The following SPRED2 variants were observed in gnomAD, a reference collection of about 807,000 sequenced individuals.
SPRED2 encodes the protein sprouty related EVH1 domain containing 2, also known as sprouty-related, EVH1 domain-containing protein 2.
A neutral mutation model predicts 43.0 loss-of-function variants in SPRED2; 47 were observed. That is an observed-to-expected ratio of 1.09 (90% confidence interval 0.87 to 1.40). The LOEUF is 1.40. SPRED2 is among the 40% of genes most tolerant of loss of function. The probability of loss-of-function intolerance (pLI) is 0.00; values close to 1 mark genes in which losing one functional copy is unlikely to be tolerated. For missense variants in SPRED2, 561 were observed against 586.4 expected (o/e 0.96, Z 0.45); for synonymous variants, 225 against 225.7 (o/e 1.00, Z 0.03).
chr2:65,370,710 T>C (rs538758839), intron 1 of SPRED2, among the ~76,000 whole-genome samples: 1 of 152,326 alleles, frequency 6.6e-6, no homozygotes, highest in African/African-American at 2.4e-5. Context: ...GCAAAACACA[T>C]ACACAGCTTT....
At chr2:65,430,723 T>A (rs1572911899) in intron 1 of SPRED2, among the ~76,000 whole-genome samples, 1 of 152,148 alleles carries the variant, frequency 6.6e-6, no homozygotes, top group South Asian at 2.1e-4. Flanking sequence ...GCCAACCAGC[T>A]CTTTGCGCCC....
chr2:65,338,851 A>C (rs1390038438), intron 2 of SPRED2, among the ~76,000 whole-genome samples: 18 of 150,490 alleles, frequency 1.2e-4, no homozygotes, highest in African/African-American at 4.0e-4. Context: ...CTGGGAAGTG[A>C]GGAGCGCCTC....
At chr2:65,422,362 G>C (rs1397119757) in intron 1 of SPRED2, among the ~76,000 whole-genome samples, 1 of 152,172 alleles carries the variant, frequency 6.6e-6, no homozygotes, top group African/African-American at 2.4e-5. Flanking sequence ...TAATCAGTTA[G>C]TCAGTCATCA....
intron 1 of SPRED2, among the ~76,000 whole-genome samples, chr2:65,350,483 T>C (rs1293213535): frequency 6.6e-6 from 1 of 152,200 alleles, no homozygotes; most frequent in Non-Finnish European, 1.5e-5. Context: ...ACAAATGGTG[T>C]TGGACGACCA....
rs997589175 is a variant in SPRED2 at position 65,375,801 on chromosome 2, G to A, written c.27-30905C>T. ...TCAAGTCTCCCCAAAGATCTTCTCTGCCTCTTTCTCCACTCAAGATGGAGA... is the reference window on the plus strand; with the variant it reads ...TCAAGTCTCCCCAAAGATCTTCTCTACCTCTTTCTCCACTCAAGATGGAGA... On this transcript the variant is annotated intron_variant, in intron 1 of 5. Transcript: ENST00000356388. 6.6e-5 allele frequency among the ~76,000 whole-genome samples: 10 copies of A among 152,226 alleles called. No homozygotes were observed. The East Asian group carries it at 1.9e-3, about 29-fold the overall frequency.
intron 4 of SPRED2, among the ~76,000 whole-genome samples, chr2:65,317,294 C>T (rs973457766): frequency 2.6e-5 from 4 of 152,172 alleles, no homozygotes; most frequent in Non-Finnish European, 5.9e-5. Context: ...GGGCGGATCA[C>T]CTGAGGTAAG....
At chr2:65,411,868 C>G (rs945368586) in intron 1 of SPRED2, among the ~76,000 whole-genome samples, 2 of 152,122 alleles carry the variant, frequency 1.3e-5, no homozygotes, top group Non-Finnish European at 1.5e-5. Context: ...GTGGCTCACG[C>G]CTGTAATCCC....
downstream of SPRED2, among the ~76,000 whole-genome samples, chr2:65,309,569 C>A (rs1362672961): frequency 2.0e-5 from 3 of 148,590 alleles, no homozygotes; most frequent in Admixed American, 6.7e-5. Context: ...AGGTTATATG[C>A]AAATATATCA....
At chr2:65,430,469 G>A (rs190865290) in intron 1 of SPRED2, among the ~76,000 whole-genome samples, 163 of 152,286 alleles carry the variant, frequency 1.1e-3, no homozygotes, top group African/African-American at 3.8e-3. Flanking sequence ...AGACGCCAAA[G>A]GATAAAGGGG....
chr2:65,379,421 C>G (rs557421440), intron 1 of SPRED2, among the ~76,000 whole-genome samples: 1 of 152,138 alleles, frequency 6.6e-6, no homozygotes, highest in Non-Finnish European at 1.5e-5. Context: ...GGAGGGCAAG[C>G]CTCTCCTCAC....
At chr2:65,314,373 T>C (rs1364625782) in intron 5 of SPRED2, among the ~76,000 whole-genome samples, 2 of 152,174 alleles carry the variant, frequency 1.3e-5, no homozygotes, top group East Asian at 3.9e-4. Flanking sequence ...AAATAGAGTC[T>C]CAATCCATTA....
At chr2:65,345,259 G>GTTGTTTTTTTTTTT (rs757675092) in intron 1 of SPRED2, among the ~76,000 whole-genome samples, 2 of 111,344 alleles carry the variant, frequency 1.8e-5, no homozygotes, top group African/African-American at 6.4e-5. Flanking sequence ...TTTAGTTGTT[G>GTTGTTTTTTTTTTT]TTTTTTTTTT....
intron 3 of SPRED2, chr2:65,334,268 G>A (rs1271159437): frequency 2.1e-6 from 1 of 478,978 alleles, no homozygotes; most frequent in Non-Finnish European, 4.3e-6. Context: ...CTCTACTTCT[G>A]AGCCAAGACA....
chr2:65,408,251 G>A (rs938830421), intron 1 of SPRED2, among the ~76,000 whole-genome samples: 1 of 152,192 alleles, frequency 6.6e-6, no homozygotes, highest in Non-Finnish European at 1.5e-5. Context: ...GTCAGACACT[G>A]CTGCGGACAC....
At chr2:65,430,800 A>T (rs1211256013) in intron 1 of SPRED2, among the ~76,000 whole-genome samples, 2 of 151,936 alleles carry the variant, frequency 1.3e-5, no homozygotes, top group African/African-American at 4.8e-5. Context: ...CAGGCTCCGG[A>T]TTTATGAATG....
intron 1 of SPRED2, among the ~76,000 whole-genome samples, chr2:65,384,968 A>ACCT (rs2103660931): frequency 8.1e-6 from 1 of 122,774 alleles, no homozygotes; most frequent in Admixed American, 9.1e-5. Context: ...TTTGCTTTCC[A>ACCT]CTTCTTCTTT....
chr2:65,405,612 A>G (rs1283474496), intron 1 of SPRED2, among the ~76,000 whole-genome samples: 1 of 152,310 alleles, frequency 6.6e-6, no homozygotes, highest in Middle Eastern at 3.4e-3. Flanking sequence ...CAACGCCCCC[A>G]GAAGATTAAT....
At chr2:65,422,545 C>A (rs1213258672) in intron 1 of SPRED2, among the ~76,000 whole-genome samples, 1 of 152,124 alleles carries the variant, frequency 6.6e-6, no homozygotes, top group African/African-American at 2.4e-5. Flanking sequence ...GCTAGTGGCT[C>A]CCTCTCCTCT....
At chr2:65,308,033 C>T (rs1339249273), downstream of SPRED2, among the ~76,000 whole-genome samples, 2 of 152,134 alleles carry the variant, frequency 1.3e-5, no homozygotes, top group African/African-American at 4.8e-5. Flanking sequence ...CCTGTGAGTC[C>T]TGTAAAATAG....
Sources: allele counts gnomAD v4.1 joint callset (sites outside exome capture counted in the v4.1 genomes callset), GRCh38; gene constraint gnomAD v4.1.1; transcripts MANE v1.5; gene names NCBI Gene and HGNC (gene_info 2026-07-23, HGNC 2026-07-21).